NEK11: variants seen among roughly 807,000 people sequenced by gnomAD.
NEK11 encodes the protein serine/threonine-protein kinase Nek11.
A neutral mutation model predicts 80.7 loss-of-function variants in NEK11; 72 were observed. The ratio of observed to expected loss-of-function variants is 0.89; its 90% CI spans 0.74 to 1.08. The LOEUF (loss-of-function observed/expected upper bound fraction) is 1.08, where lower values mean the gene tolerates loss of function less well. NEK11 is among the 50% of genes least tolerant of loss of function. The probability of loss-of-function intolerance (pLI) is 0.00; values close to 1 mark genes in which losing one functional copy is unlikely to be tolerated. For missense variants in NEK11, 764 were observed against 763.6 expected, an observed-to-expected ratio of 1.00 and a Z score of -0.01; for synonymous variants, 251 against 260.7, an observed-to-expected ratio of 0.96 and a Z score of 0.36.
chr3:131,331,149 T>C (rs958915414), intron 17 of NEK11, among the ~76,000 whole-genome samples: 22 of 152,340 alleles, frequency 1.4e-4, no homozygotes, highest in Admixed American at 3.9e-4. Flanking sequence ...TCTGCAAGTT[T>C]TGCAGTGCCA....
chr3:131,273,964 T>TA (rs1453098535), intron 17 of NEK11, among the ~76,000 whole-genome samples: 1 of 151,094 alleles, frequency 6.6e-6, no homozygotes, highest in Non-Finnish European at 1.5e-5. Flanking sequence ...CTTTTTTTTT[T>TA]ATTATTATTA....
intron 7 of NEK11, among the ~76,000 whole-genome samples, chr3:131,143,265 G>A (rs2149712922): frequency 1.3e-5 from 2 of 152,166 alleles, no homozygotes; most frequent in African/African-American, 4.8e-5. Flanking sequence ...ACCCCTGCTG[G>A]GTTTAATTGC....
At chr3:131,186,137 C>T (rs1043582897) in intron 14 of NEK11, among the ~76,000 whole-genome samples, 3 of 152,246 alleles carry the variant, frequency 2.0e-5, no homozygotes, top group Middle Eastern at 3.4e-3. Context: ...TCACATAAAA[C>T]CTTTGAAATG....
chr3:131,195,501 A>G (rs1007207393), intron 14 of NEK11, among the ~76,000 whole-genome samples: 1 of 151,914 alleles, frequency 6.6e-6, no homozygotes, highest in African/African-American at 2.4e-5. Flanking sequence ...ATGCCTATCC[A>G]TCCTTCAGGC....
intron 14 of NEK11, among the ~76,000 whole-genome samples, chr3:131,207,664 G>A (rs2094484402): frequency 6.6e-6 from 1 of 152,164 alleles, no homozygotes; most frequent in Non-Finnish European, 1.5e-5. Context: ...CATTCTAACT[G>A]GTGTGAGATG....
At chr3:131,136,229 T>G (rs2085539079) in intron 7 of NEK11, among the ~76,000 whole-genome samples, 1 of 152,188 alleles carries the variant, frequency 6.6e-6, no homozygotes, top group Admixed American at 6.5e-5. Flanking sequence ...GATTTAGTAA[T>G]TACCTTGGTT....
At chr3:131,271,775 A>G (rs1244721419) in intron 16 of NEK11, among the ~76,000 whole-genome samples, 1 of 151,766 alleles carries the variant, frequency 6.6e-6, no homozygotes, top group Non-Finnish European at 1.5e-5. Flanking sequence ...AGCCTGGGCA[A>G]CAAGAGCAAA....
chr3:131,093,548 C>T (rs773274448), intron 4 of NEK11, among the ~76,000 whole-genome samples: 5 of 152,076 alleles, frequency 3.3e-5, no homozygotes, highest in Non-Finnish European at 5.9e-5. Flanking sequence ...CTCTGAGTAG[C>T]TAGGATTACA....
chr3:131,099,979 G>A (rs1194179870), intron 4 of NEK11, among the ~76,000 whole-genome samples: 1 of 152,160 alleles, frequency 6.6e-6, no homozygotes, highest in African/African-American at 2.4e-5. Flanking sequence ...GCTCTGGCTA[G>A]GACTTCCAGT....
chr3:131,157,921 C>A (rs1216684113), intron 10 of NEK11, among the ~76,000 whole-genome samples: 1 of 152,080 alleles, frequency 6.6e-6, no homozygotes, highest in African/African-American at 2.4e-5. Context: ...GGGCAGCACA[C>A]CAGCTGATGT....
At position 131,189,108 on chromosome 3, in the gene NEK11, C is replaced by A. The variant is rs183635567; in HGVS notation, c.1399+18221C>A. On this transcript the variant is annotated intron_variant, in intron 14 of 17. Transcript: ENST00000383366. ...AAGGAAGACCAAGGATTGCCAACAG[C>A]CACCAGAAGCTAGGAAGGAGGGGAG... 4.5e-4 allele frequency among the ~76,000 whole-genome samples: 69 copies of A among 152,212 alleles called. 1 individual carries two copies. The East Asian group carries it at 0.013, about 28-fold the overall frequency.
intron 3 of NEK11, among the ~76,000 whole-genome samples, chr3:131,048,300 A>G (rs2067756541): frequency 6.6e-6 from 1 of 152,098 alleles, no homozygotes; most frequent in South Asian, 2.1e-4. Context: ...CCCCTCCCCC[A>G]GGTTCTGTCC....
chr3:131,320,959 A>C (rs1386581467), intron 17 of NEK11, among the ~76,000 whole-genome samples: 1 of 152,190 alleles, frequency 6.6e-6, no homozygotes, highest in East Asian at 1.9e-4. Flanking sequence ...TATTGCTATC[A>C]AATGACCAAC....
chr3:131,315,212 C>A (rs1228008277), intron 17 of NEK11, among the ~76,000 whole-genome samples: 2 of 140,714 alleles, frequency 1.4e-5, no homozygotes, highest in East Asian at 3.8e-4. Flanking sequence ...TATATTACAT[C>A]TTTAGACTAT....
rs781090476 is a variant in NEK11 at position 131,029,937 on chromosome 3, G to C, written c.170+59G>C. On this transcript the variant is annotated intron_variant, in intron 3 of 17. Transcript: ENST00000383366. ...GGCTGCTTTTTGTTTGCAGGTCTTA[G>C]CTGATTAGGAACATGGAGCAGGCCA... 15 of 1,520,780 alleles carry C rather than the reference G, an allele frequency of 9.9e-6. No homozygotes were observed. The South Asian group carries it at 1.7e-4, about 17-fold the overall frequency. 94.2% of individuals were successfully genotyped at this position (1,520,780 alleles called of 1,614,324 possible).
chr3:131,113,217 G>C (rs764332947), intron 5 of NEK11, among the ~76,000 whole-genome samples: 4 of 152,130 alleles, frequency 2.6e-5, no homozygotes, highest in Non-Finnish European at 4.4e-5. Context: ...GGAAAGACAG[G>C]TTTGAAACAA....
At chr3:131,256,642 T>A (rs2095821461) in intron 16 of NEK11, among the ~76,000 whole-genome samples, 1 of 152,158 alleles carries the variant, frequency 6.6e-6, no homozygotes, top group Non-Finnish European at 1.5e-5. Context: ...ATTTATTACC[T>A]CTCATAGTTG....
intron 15 of NEK11, among the ~76,000 whole-genome samples, chr3:131,241,179 G>A (rs573692437): frequency 6.6e-6 from 1 of 152,228 alleles, no homozygotes; most frequent in South Asian, 2.1e-4. Flanking sequence ...GTGCAGGAGT[G>A]TAGAGAAAAG....
At chr3:131,057,504 A>G (rs1423466115) in intron 3 of NEK11, among the ~76,000 whole-genome samples, 1 of 150,968 alleles carries the variant, frequency 6.6e-6, no homozygotes, top group African/African-American at 2.4e-5. Context: ...AGTCCCACCA[A>G]CAGTGTAAAA....
Sources: gnomAD v4.1 joint callset for allele counts (sites outside exome capture counted in the v4.1 genomes callset) on GRCh38, gnomAD v4.1.1 for gene constraint, MANE v1.5 for transcripts, NCBI Gene and HGNC (gene_info 2026-07-23, HGNC 2026-07-21) for gene names.